GPR137C: variants seen among roughly 807,000 people sequenced by gnomAD.
The protein encoded by GPR137C is G protein-coupled receptor 137C.
A neutral mutation model predicts 43.4 loss-of-function variants in GPR137C; 27 were observed. That is an observed-to-expected ratio of 0.62 (90% CI 0.46 to 0.86). The LOEUF is 0.86. Among genes scored for constraint, GPR137C ranks in the 40% least tolerant of loss-of-function variants. The probability of loss-of-function intolerance (pLI) is 0.00; values close to 1 mark genes in which losing one functional copy is unlikely to be tolerated. For missense variants in GPR137C, 522 were observed against 534.6 expected, an observed-to-expected ratio of 0.98 and a Z score of 0.23; for synonymous variants, 285 against 226.9, an observed-to-expected ratio of 1.26 and a Z score of -2.30.
intron 1 of GPR137C, among the ~76,000 whole-genome samples, chr14:52,576,157 A>T (rs760488323): frequency 6.6e-6 from 1 of 152,226 alleles, no homozygotes; most frequent in Non-Finnish European, 1.5e-5. Flanking sequence ...AGACACTCTT[A>T]TCAGGCAGAC....
At chr14:52,583,890 C>G (rs984098106) in intron 1 of GPR137C, among the ~76,000 whole-genome samples, 2 of 152,086 alleles carry the variant, frequency 1.3e-5, no homozygotes, top group African/African-American at 4.8e-5. Context: ...TTTGAGCCAC[C>G]CAGTAGCATG....
intron 1 of GPR137C, among the ~76,000 whole-genome samples, chr14:52,554,208 A>G (rs1187487132): frequency 6.6e-6 from 1 of 152,190 alleles, no homozygotes; most frequent in Non-Finnish European, 1.5e-5. Flanking sequence ...AAGGACCTCC[A>G]TAAAGCCCTT....
At chr14:52,586,547 T>A (rs1330304814) in intron 1 of GPR137C, among the ~76,000 whole-genome samples, 1 of 152,232 alleles carries the variant, frequency 6.6e-6, no homozygotes, top group Non-Finnish European at 1.5e-5. Context: ...CTGTTTTCTA[T>A]GACTAGTCTG....
intron 2 of GPR137C, among the ~76,000 whole-genome samples, chr14:52,599,812 C>T (rs2038902187): frequency 6.6e-6 from 1 of 152,124 alleles, no homozygotes; most frequent in Admixed American, 6.5e-5. Flanking sequence ...TTTTCAGGCA[C>T]ATTGTAAAAG....
rs758933470 is a variant in GPR137C at position 52,570,140 on chromosome 14, A to G, written c.444+16549A>G. Among the ~76,000 whole-genome samples, 53 of 152,318 alleles carry G rather than the reference A, an allele frequency of 3.5e-4. 2 individuals carry two copies. The highest frequency in any genetic ancestry group is 6.8e-3 in the Middle Eastern group (2 of 292). ...AAGGGAAGCCCATCAGACTAACAGC[A>G]TATCTCTCTGCAGAAACCCTATAAG... On this transcript the variant is annotated intron_variant, in intron 1 of 6. Coordinates refer to ENST00000321662, the MANE Select transcript of GPR137C (RefSeq NM_001099652.2).
chr14:52,622,484 C>G (rs12885337), intron 3 of GPR137C, among the ~76,000 whole-genome samples: 4 of 151,952 alleles, frequency 2.6e-5, no homozygotes, highest in African/African-American at 9.7e-5. Flanking sequence ...CAAGTATGTA[C>G]AAGTTTCTAA....
intron 3 of GPR137C, among the ~76,000 whole-genome samples, chr14:52,619,522 T>A (rs1037207384): frequency 4.6e-5 from 7 of 152,212 alleles, no homozygotes; most frequent in Non-Finnish European, 1.0e-4. Context: ...ACTGCAAGTC[T>A]TATTTCCTAT....
chr14:52,572,314 A>G (rs528128505), intron 1 of GPR137C, among the ~76,000 whole-genome samples: 118 of 152,334 alleles, frequency 7.7e-4, no homozygotes, highest in East Asian at 2.5e-3. Flanking sequence ...TTTCAGACCA[A>G]TATCCCTGAT....
rs2038114711 is a variant in GPR137C at position 52,553,271 on chromosome 14, C to T, written c.124C>T (p.Pro42Ser). ...CGCTGCAGCCTCAGGCGCCGCGGTG[C>T]CGGGCTCCGTGCAGTTGGCGCTGAG... The part of the protein sequence containing the change: ...AVAAASGAAV[P>S]GSVQLALSVL... Residue 42 changes from proline (P) to serine (S), a missense_variant, in exon 1 of 7, where the codon CCG (proline) becomes TCG (serine). Physicochemically the swap from Pro to Ser is moderately conservative, Grantham distance 74. Around this residue, in one of 3 missense-constraint regions of GPR137C, gnomAD observed 437 missense variants for 425.7 expected, o/e 1.03. Coordinates refer to ENST00000321662, the MANE Select transcript of GPR137C (RefSeq NM_001099652.2). 6.8e-7 allele frequency: 1 copy of T among 1,462,180 alleles called. No individual in the cohort carries two copies. Among genetic ancestry groups the T allele is most frequent in the Non-Finnish European group, 9.0e-7 (1 of 1,105,412 alleles). The allele number at this position is 1,462,180 out of a possible 1,614,324, so 90.6% of individuals were successfully genotyped here.
At chr14:52,633,474 G>T (rs1471854422) in intron 4 of GPR137C, 56 bp from the exon 5 acceptor site, 3 of 1,505,586 alleles carry the variant, frequency 2.0e-6, no homozygotes, top group Admixed American at 1.7e-5. Context: ...AACTGTGGAG[G>T]TGATTGCTTA....
intron 1 of GPR137C, among the ~76,000 whole-genome samples, chr14:52,596,124 T>C (rs1332152744): frequency 6.6e-6 from 1 of 152,212 alleles, no homozygotes; most frequent in Non-Finnish European, 1.5e-5. Flanking sequence ...CTTCAGAACC[T>C]ATTTGCCTGG....
chr14:52,578,898 C>G (rs1005577734), intron 1 of GPR137C, among the ~76,000 whole-genome samples: 2 of 151,256 alleles, frequency 1.3e-5, no homozygotes, highest in Non-Finnish European at 2.9e-5. Flanking sequence ...GAGCTGAGAT[C>G]GTGCCACTGC....
chr14:52,633,629 C>T lies in GPR137C; in HGVS notation c.967C>T (p.Arg323Trp), dbSNP rs1469415363. Reference protein sequence around the residue: ...VPAWSVVLFFRAQRLNQNLAP... With the variant: ...VPAWSVVLFFWAQRLNQNLAP... Reference sequence around the variant, plus strand: ...AGCATGGTCGGTGGTACTGTTTTTCCGGGCACAGAGATTAAACCAGAATTT... The same window carrying T: ...AGCATGGTCGGTGGTACTGTTTTTCTGGGCACAGAGATTAAACCAGAATTT... Residue 323 changes from arginine to tryptophan, a missense_variant, in exon 5 of 7, where the codon CGG becomes TGG. Physicochemically the swap from Arg to Trp is moderately radical, Grantham distance 101. Around this residue, in one of 3 missense-constraint regions of GPR137C, gnomAD observed 437 missense variants for 425.7 expected, o/e 1.03. Transcript: ENST00000321662. 5 of 1,612,938 alleles carry T rather than the reference C, an allele frequency of 3.1e-6. No individual in the cohort carries two copies. The highest frequency in any genetic ancestry group is 1.7e-5 in the Admixed American group (1 of 59,884).
chr14:52,619,554 C>T (rs2039136194), intron 3 of GPR137C, among the ~76,000 whole-genome samples: 1 of 152,148 alleles, frequency 6.6e-6, no homozygotes, highest in Non-Finnish European at 1.5e-5. Context: ...GCTGACCCAC[C>T]ACACCTTGTC....
chr14:52,627,605 G>A (rs576156817), intron 3 of GPR137C, among the ~76,000 whole-genome samples: 1 of 152,128 alleles, frequency 6.6e-6, no homozygotes, highest in Non-Finnish European at 1.5e-5. Context: ...CCAGCACTTT[G>A]GGAGGCCGAG....
intron 6 of GPR137C, 75 bp from the exon 7 acceptor site, chr14:52,634,863 A>G (rs17803993): frequency 0.033 from 42,125 of 1,279,502 alleles, 927 homozygotes; most frequent in Middle Eastern, 0.079. Flanking sequence ...TTCATTGAAA[A>G]TGCTAAAAAT....
At chr14:52,598,695 A>G (rs79902719) in intron 2 of GPR137C, among the ~76,000 whole-genome samples, 13 of 152,340 alleles carry the variant, frequency 8.5e-5, no homozygotes, top group Admixed American at 5.9e-4. Context: ...ATCAATCTCA[A>G]TAGCGAGAGT....
At chr14:52,574,488 A>G (rs184644732) in intron 1 of GPR137C, among the ~76,000 whole-genome samples, 25 of 151,650 alleles carry the variant, frequency 1.6e-4, no homozygotes, top group Non-Finnish European at 3.4e-4. Context: ...AACACTGCAC[A>G]TTCTCATAGG....
At chr14:52,626,041 C>T (rs2039223367) in intron 3 of GPR137C, among the ~76,000 whole-genome samples, 1 of 152,024 alleles carries the variant, frequency 6.6e-6, no homozygotes. Flanking sequence ...ACTTAAAAAA[C>T]AATACAGAAT....
Sources: allele counts gnomAD v4.1 joint callset (sites outside exome capture counted in the v4.1 genomes callset), GRCh38; gene constraint gnomAD v4.1.1; regional missense constraint gnomAD v4.1.1; transcripts MANE v1.5; gene names NCBI Gene and HGNC (gene_info 2026-07-23, HGNC 2026-07-21).